The following GRIP1 variants were observed in gnomAD, a reference collection of about 807,000 sequenced individuals.
The protein encoded by GRIP1 is glutamate receptor-interacting protein 1.
Under a neutral mutation model 129.9 loss-of-function variants are expected in GRIP1, and 45 were observed. The observed-to-expected ratio is 0.35, with a 90% CI of 0.27 to 0.44. The LOEUF (loss-of-function observed/expected upper bound fraction) is 0.44, where lower values mean the gene tolerates loss of function less well. Among genes scored for constraint, GRIP1 ranks in the 20% least tolerant of loss-of-function variants. The pLI, the probability that GRIP1 is intolerant of heterozygous loss-of-function variation, is 1.00. For missense variants in GRIP1, 1,196 were observed against 1,396.8 expected (o/e 0.86, Z 2.29); for synonymous variants, 530 against 520.8 (o/e 1.02, Z -0.24).
In GRIP1 at chr12:66,445,357, C is replaced by G. The variant is rs1022508535; in HGVS notation, c.1506G>C (p.Leu502=). ...GGCTGTCAGCTTCGATATAGGAAAT[C>G]AGAGGTGGAGAAGAGAGAGTTTCTG... ...FATETLSSPP[L]ISYIEADSPA... Residue 502 remains leucine, a synonymous_variant, in exon 12 of 25, where the codon CTG becomes CTC. Transcript: ENST00000359742. 3.1e-6 allele frequency: 5 copies of G among 1,614,048 alleles called. No homozygotes were observed. The Admixed American group carries it at 5.0e-5, about 16-fold the overall frequency.
chr12:66,766,451 C>G (rs191421606), intron 1 of GRIP1, among the ~76,000 whole-genome samples: 40 of 152,324 alleles, frequency 2.6e-4, no homozygotes, highest in Non-Finnish European at 5.0e-4. Flanking sequence ...TTCATTAAAG[C>G]ATTTGTCACA....
chr12:66,365,223 G>A (rs1184455159), intron 23 of GRIP1, among the ~76,000 whole-genome samples: 1 of 152,202 alleles, frequency 6.6e-6, no homozygotes, highest in Non-Finnish European at 1.5e-5. Flanking sequence ...ATCATCTGAG[G>A]TTGGGAGTTC....
chr12:66,860,950 A>T (rs915838258), intron 1 of GRIP1, among the ~76,000 whole-genome samples: 16 of 152,034 alleles, frequency 1.1e-4, no homozygotes, highest in Non-Finnish European at 4.4e-5. Flanking sequence ...AGGCCATTAC[A>T]CTATGCTCAA....
Position 66,379,358 on chromosome 12 carries a change from G to A in GRIP1, c.2543C>T (p.Pro848Leu). The change falls in exon 20 of 25, where the codon CCA becomes CTA. Residue 848 changes from proline to leucine, a missense_variant. This residue lies in a region of GRIP1 where 427 missense variants were observed against 463.3 expected (regional missense o/e 0.92). Coordinates refer to ENST00000359742, the MANE Select transcript of GRIP1 (RefSeq NM_001366722.1). Reference protein sequence around the residue: ...RSPKQRGSLSPVTKPRSQTYP... With the variant: ...RSPKQRGSLSLVTKPRSQTYP... The stretch of plus-strand genomic sequence containing the variant: ...AGTCTGGCTTCGAGGCTTAGTGACT[G>A]GGGACAAGCTGCCTCTCTGTTTTGG... 1 of 1,613,958 alleles carries A rather than the reference G, an allele frequency of 6.2e-7. No homozygotes were observed. Among genetic ancestry groups the A allele is most frequent in the Non-Finnish European group, 8.5e-7 (1 of 1,179,828 alleles).
intron 1 of GRIP1, among the ~76,000 whole-genome samples, chr12:66,975,217 A>G (rs911418167): frequency 6.6e-6 from 1 of 152,214 alleles, no homozygotes; most frequent in African/African-American, 2.4e-5. Flanking sequence ...CCTCTTGCCA[A>G]GCCTGGCACC....
intron 9 of GRIP1, among the ~76,000 whole-genome samples, chr12:66,457,324 G>A (rs2058997420): frequency 6.6e-6 from 1 of 152,182 alleles, no homozygotes; most frequent in South Asian, 2.1e-4. Context: ...CTGGAGTGCA[G>A]TGGTGTGATC....
chr12:66,464,320 T>A (rs2059221178), intron 8 of GRIP1, among the ~76,000 whole-genome samples: 1 of 152,182 alleles, frequency 6.6e-6, no homozygotes, highest in Non-Finnish European at 1.5e-5. Context: ...ATCTTCCCCT[T>A]TTACCTTACG....
chr12:67,009,603 T>C (rs539804225), intron 1 of GRIP1, among the ~76,000 whole-genome samples: 21 of 152,312 alleles, frequency 1.4e-4, no homozygotes, highest in African/African-American at 4.8e-4. Context: ...GGTTTCTGTT[T>C]GTGGATTCAA....
At chr12:66,932,565 T>G (rs997404714) in intron 1 of GRIP1, among the ~76,000 whole-genome samples, 10 of 150,924 alleles carry the variant, frequency 6.6e-5, no homozygotes, top group African/African-American at 2.4e-4. Flanking sequence ...CTGAATTGAG[T>G]CTCTTAGTCA....
At chr12:66,941,011 A>C (rs1008737379) in intron 1 of GRIP1, among the ~76,000 whole-genome samples, 6 of 152,164 alleles carry the variant, frequency 3.9e-5, no homozygotes, top group Non-Finnish European at 8.8e-5. Flanking sequence ...CTCCTAAAGA[A>C]AACAATATGC....
chr12:66,578,962 G>A (rs1214744002), intron 2 of GRIP1, among the ~76,000 whole-genome samples: 1 of 152,174 alleles, frequency 6.6e-6, no homozygotes, highest in Non-Finnish European at 1.5e-5. Flanking sequence ...CTCCTCAAGT[G>A]GGTCCCTGAC....
chr12:66,776,089 C>T (rs2037971678), intron 1 of GRIP1, among the ~76,000 whole-genome samples: 1 of 152,204 alleles, frequency 6.6e-6, no homozygotes, highest in Non-Finnish European at 1.5e-5. Flanking sequence ...TTCAAAGATT[C>T]TGAAAACTAA....
At chr12:66,731,705 T>C (rs2036442806) in intron 1 of GRIP1, among the ~76,000 whole-genome samples, 1 of 152,192 alleles carries the variant, frequency 6.6e-6, no homozygotes, top group Non-Finnish European at 1.5e-5. Flanking sequence ...TGTGCAACAA[T>C]GTGAAGGTGC....
chr12:66,572,648 G>T (rs1565873868), intron 2 of GRIP1, among the ~76,000 whole-genome samples: 1 of 152,148 alleles, frequency 6.6e-6, no homozygotes, highest in South Asian at 2.1e-4. Flanking sequence ...AATCTCAGGT[G>T]ACCTTCAGGA....
At chr12:66,549,405 C>A (rs1173530089) in intron 2 of GRIP1, among the ~76,000 whole-genome samples, 2 of 152,022 alleles carry the variant, frequency 1.3e-5, no homozygotes, top group Admixed American at 1.3e-4. Flanking sequence ...AGGGCACGCA[C>A]CAGAATACTA....
chr12:67,055,097 T>C (rs894476873), intron 1 of GRIP1, among the ~76,000 whole-genome samples: 2 of 152,220 alleles, frequency 1.3e-5, no homozygotes, highest in African/African-American at 4.8e-5. Context: ...ATGGAGTTAA[T>C]ACAGGCAAAT....
intron 19 of GRIP1, 114 bp from the exon 20 acceptor site, chr12:66,379,550 G>A: frequency 9.9e-7 from 1 of 1,011,138 alleles, no homozygotes; most frequent in Non-Finnish European, 1.6e-6. Flanking sequence ...AATAACAATA[G>A]TGAACACATA....
chr12:66,798,141 T>A (rs574614980), intron 1 of GRIP1, among the ~76,000 whole-genome samples: 4 of 152,214 alleles, frequency 2.6e-5, no homozygotes, highest in African/African-American at 7.2e-5. Context: ...TTTTATTAAA[T>A]AAATAGAAGC....
chr12:67,054,844 C>T, intron 1 of GRIP1, among the ~76,000 whole-genome samples: 1 of 151,420 alleles, frequency 6.6e-6, no homozygotes. Flanking sequence ...CAACAGAGAC[C>T]AAGAGGGAGT....
Sources: allele counts gnomAD v4.1 joint callset (sites outside exome capture counted in the v4.1 genomes callset), GRCh38; gene constraint gnomAD v4.1.1; regional missense constraint gnomAD v4.1.1; transcripts MANE v1.5; gene names NCBI Gene and HGNC (gene_info 2026-07-23, HGNC 2026-07-21).